CORO2B: variants seen among roughly 807,000 people sequenced by gnomAD.
CORO2B encodes the protein coronin-2B.
A neutral mutation model predicts 58.8 loss-of-function variants in CORO2B; 26 were observed. The ratio of observed to expected loss-of-function variants is 0.44; its 90% CI spans 0.32 to 0.61. The LOEUF (loss-of-function observed/expected upper bound fraction) is 0.61. CORO2B is among the 20% of genes least tolerant of loss of function. CORO2B has a pLI of 0.04. For missense variants in CORO2B, 460 were observed against 645.1 expected (o/e 0.71, Z 3.11); for synonymous variants, 242 against 253.8 (o/e 0.95, Z 0.44).
At position 68,689,730 on chromosome 15, in the gene CORO2B, A is replaced by G. The variant is rs1892310087; in HGVS notation, c.217-5410A>G. On this transcript the variant is annotated intron_variant, in intron 2 of 11. Coordinates refer to ENST00000261861, the MANE Select transcript of CORO2B (RefSeq NM_006091.5). ...GTGGGACTTGGGGAGAAGATTGCTGACATTTTTTAAAAATTTACAATCAGC... is the reference window on the plus strand; with the variant it reads ...GTGGGACTTGGGGAGAAGATTGCTGGCATTTTTTAAAAATTTACAATCAGC... Among the ~76,000 whole-genome samples, 4 of 152,222 alleles carry G rather than the reference A, an allele frequency of 2.6e-5. No individual in the cohort carries two copies. In the South Asian group the frequency reaches 6.2e-4, roughly 24 times the overall value.
At chr15:68,556,921 C>T in the CORO2B span, among the ~76,000 whole-genome samples, 1 of 152,206 alleles carries the variant, frequency 6.6e-6, no homozygotes, top group African/African-American at 2.4e-5. Flanking sequence ...ATCTTCCTCC[C>T]CCATCCCAGT....
At chr15:68,557,776 G>A in the CORO2B span, among the ~76,000 whole-genome samples, 7 of 152,250 alleles carry the variant, frequency 4.6e-5, no homozygotes, top group African/African-American at 1.7e-4. Context: ...CAGGCAGCCT[G>A]ACATCAGTTT....
chr15:68,616,744 A>T, intron 1 of CORO2B: 2 of 411,444 alleles, frequency 4.9e-6, no homozygotes, highest in Non-Finnish European at 6.5e-6. Context: ...TCTTGGGTGC[A>T]CGTGGTCTCA....
chr15:68,608,281 G>T (rs1366053651), intron 1 of CORO2B, among the ~76,000 whole-genome samples: 1 of 152,230 alleles, frequency 6.6e-6, no homozygotes, highest in Non-Finnish European at 1.5e-5. Flanking sequence ...CCTGTGGCTG[G>T]CTGCGCATGG....
At chr15:68,526,627 T>C in the CORO2B span, among the ~76,000 whole-genome samples, 2 of 152,212 alleles carry the variant, frequency 1.3e-5, no homozygotes, top group African/African-American at 4.8e-5. Context: ...CTTTATAAAT[T>C]CAGGATATAA....
the CORO2B span, among the ~76,000 whole-genome samples, chr15:68,534,384 G>T: frequency 6.6e-6 from 1 of 152,152 alleles, no homozygotes; most frequent in African/African-American, 2.4e-5. Flanking sequence ...ATTTCTCCTG[G>T]TAAAGTGGCA....
intron 3 of CORO2B, among the ~76,000 whole-genome samples, chr15:68,706,298 C>T (rs1019355387): frequency 1.3e-5 from 2 of 152,196 alleles, no homozygotes; most frequent in African/African-American, 2.4e-5. Context: ...ACCCTCTCTT[C>T]CAACACTGCT....
chr15:68,725,039 G>C (rs1893258543), intron 11 of CORO2B, among the ~76,000 whole-genome samples: 1 of 152,134 alleles, frequency 6.6e-6, no homozygotes, highest in Non-Finnish European at 1.5e-5. Context: ...GCCTCCTTAA[G>C]AAGAGAAGGA....
the CORO2B span, among the ~76,000 whole-genome samples, chr15:68,554,153 G>A: frequency 5.9e-5 from 9 of 152,162 alleles, no homozygotes; most frequent in African/African-American, 1.9e-4. Context: ...CTGAGTATGG[G>A]GAGACAGAGA....
chr15:68,715,980 G>A (rs1270883310), intron 8 of CORO2B, among the ~76,000 whole-genome samples: 4 of 152,208 alleles, frequency 2.6e-5, no homozygotes, highest in African/African-American at 9.6e-5. Flanking sequence ...TCCCACCTCT[G>A]CGGGTGATCC....
At chr15:68,522,646 C>T in the CORO2B span, among the ~76,000 whole-genome samples, 1 of 152,176 alleles carries the variant, frequency 6.6e-6, no homozygotes. Context: ...GACGGGGTTT[C>T]ACCATGATGG....
upstream of CORO2B, among the ~76,000 whole-genome samples, chr15:68,576,228 G>A (rs995995065): frequency 6.7e-6 from 1 of 150,280 alleles, no homozygotes; most frequent in Non-Finnish European, 1.5e-5. Flanking sequence ...ACATGCAGAG[G>A]CCGTGACTGG....
At chr15:68,715,130 C>T (rs1331992295) in intron 7 of CORO2B, 85 bp from the exon 8 acceptor site, 2 of 1,186,086 alleles carry the variant, frequency 1.7e-6, no homozygotes, top group African/African-American at 1.5e-5. Flanking sequence ...CAGGGGAGAG[C>T]TGTCTTCAGC....
the CORO2B span, among the ~76,000 whole-genome samples, chr15:68,563,169 G>A: frequency 2.6e-5 from 4 of 151,238 alleles, no homozygotes; most frequent in Admixed American, 2.0e-4. Context: ...CCCAAAGCAA[G>A]CAGAGGAAAG....
intron 2 of CORO2B, among the ~76,000 whole-genome samples, chr15:68,680,056 C>G (rs1902727629): frequency 6.6e-6 from 1 of 151,496 alleles, no homozygotes; most frequent in Non-Finnish European, 1.5e-5. Context: ...GCACTGGGCC[C>G]CCGCAGAGTG....
chr15:68,553,519 T>C, the CORO2B span, among the ~76,000 whole-genome samples: 1 of 152,182 alleles, frequency 6.6e-6, no homozygotes, highest in Non-Finnish European at 1.5e-5. Flanking sequence ...AATGCAGCCA[T>C]GCCAACGCCT....
At chr15:68,559,947 T>C in the CORO2B span, among the ~76,000 whole-genome samples, 1 of 152,176 alleles carries the variant, frequency 6.6e-6, no homozygotes, top group Non-Finnish European at 1.5e-5. The surrounding 1 kb of genome is among the most constrained non-coding windows in gnomAD (Gnocchi z 4.3). Context: ...GCAAGAAGTT[T>C]GTTGGGGATT....
At chr15:68,527,530 A>G in the CORO2B span, among the ~76,000 whole-genome samples, 2 of 152,108 alleles carry the variant, frequency 1.3e-5, no homozygotes, top group Non-Finnish European at 2.9e-5. Flanking sequence ...GATCTATGTG[A>G]CTAATTTGAT....
intron 1 of CORO2B, among the ~76,000 whole-genome samples, chr15:68,634,013 A>G (rs17271969): frequency 2.0e-3 from 309 of 152,382 alleles, no homozygotes; most frequent in Non-Finnish European, 3.0e-3. Context: ...GGCATGTCAC[A>G]GGCAGGGAGC....
Sources: gnomAD v4.1 joint callset for allele counts (sites outside exome capture counted in the v4.1 genomes callset) on GRCh38, gnomAD v4.1.1 for gene constraint, Gnocchi (gnomAD v3.1) non-coding constraint, MANE v1.5 for transcripts, NCBI Gene and HGNC (gene_info 2026-07-23, HGNC 2026-07-21) for gene names.